SOX5: variants seen among roughly 807,000 people sequenced by gnomAD.
SOX5 encodes the protein SRY-box transcription factor 5.
A neutral mutation model predicts 92.0 loss-of-function variants in SOX5; 9 were observed. The ratio of observed to expected loss-of-function variants is 0.10; its 90% CI spans 0.06 to 0.17. The LOEUF (loss-of-function observed/expected upper bound fraction) is 0.17, where lower values mean the gene tolerates loss of function less well. Among genes scored for constraint, SOX5 ranks in the 10% least tolerant of loss-of-function variants. The probability of loss-of-function intolerance (pLI) is 1.00; values close to 1 mark genes in which losing one functional copy is unlikely to be tolerated. For missense variants in SOX5, 642 were observed against 944.5 expected, an observed-to-expected ratio of 0.68 and a Z score of 4.20; for synonymous variants, 344 against 336.3, an observed-to-expected ratio of 1.02 and a Z score of -0.25.
chr12:23,873,184 G>A (rs921336175), intron 2 of SOX5, among the ~76,000 whole-genome samples: 3 of 151,990 alleles, frequency 2.0e-5, no homozygotes, highest in African/African-American at 7.3e-5. Context: ...CTGATCACTC[G>A]ATTTAAGGGC....
At chr12:23,594,821 A>G (rs1158462545) in intron 9 of SOX5, among the ~76,000 whole-genome samples, 2 of 151,948 alleles carry the variant, frequency 1.3e-5, no homozygotes, top group Non-Finnish European at 2.9e-5. Flanking sequence ...GAATTCACTA[A>G]TCTCATTCAC....
At chr12:24,088,777 A>T (rs988767650) in intron 4 of SOX5, among the ~76,000 whole-genome samples, 2 of 152,084 alleles carry the variant, frequency 1.3e-5, no homozygotes. Flanking sequence ...TTTGAGGAAC[A>T]TTATACAATC....
intron 1 of SOX5, among the ~76,000 whole-genome samples, chr12:24,422,282 T>C (rs528269869): frequency 5.4e-4 from 82 of 152,304 alleles, no homozygotes; most frequent in African/African-American, 1.9e-3. Context: ...CTAATATTGA[T>C]CAATATCTGC....
At chr12:24,354,606 C>T (rs1954561329) in intron 2 of SOX5, among the ~76,000 whole-genome samples, 1 of 152,156 alleles carries the variant, frequency 6.6e-6, no homozygotes, top group Admixed American at 6.5e-5. Flanking sequence ...TGGACTGGCC[C>T]AGGATGAATG....
At chr12:23,709,690 T>C (rs1192373904) in intron 6 of SOX5, among the ~76,000 whole-genome samples, 2 of 152,194 alleles carry the variant, frequency 1.3e-5, no homozygotes, top group African/African-American at 4.8e-5. Flanking sequence ...TAATGACAGT[T>C]CTCCTACTGG....
At chr12:23,537,522 G>GT (rs1243934993) in intron 13 of SOX5, among the ~76,000 whole-genome samples, 2 of 152,062 alleles carry the variant, frequency 1.3e-5, no homozygotes, top group African/African-American at 4.8e-5. Flanking sequence ...CTGTAAATGC[G>GT]TATTACGATT....
chr12:23,984,929 A>C (rs1276940687), intron 4 of SOX5, among the ~76,000 whole-genome samples: 1 of 152,184 alleles, frequency 6.6e-6, no homozygotes, highest in African/African-American at 2.4e-5. Flanking sequence ...CAGAGGTTAC[A>C]ATTTTTTGTG....
intron 1 of SOX5, among the ~76,000 whole-genome samples, chr12:23,912,130 A>T (rs560895275): frequency 6.6e-6 from 1 of 152,232 alleles, no homozygotes; most frequent in African/African-American, 2.4e-5. Flanking sequence ...ACTTATATAC[A>T]TGGAATTATT....
Position 24,543,817 on chromosome 12 carries a change from G to C in SOX5, c.-251+18512C>G, listed in dbSNP as rs551373549. Among the ~76,000 whole-genome samples, 7 of 152,164 alleles carry C rather than the reference G, an allele frequency of 4.6e-5. No individual in the cohort carries two copies. The South Asian group carries it at 1.5e-3, about 32-fold the overall frequency. ...GAGAGACAGTCTACACTCAATAATG[G>C]AAAGATCATTTGTACGTATATTTTT... On this transcript the variant is annotated intron_variant, in intron 1 of 4. Coordinates refer to the SOX5 transcript ENST00000446891.
intron 3 of SOX5, among the ~76,000 whole-genome samples, chr12:23,779,342 C>A (rs2141711298): frequency 6.7e-6 from 1 of 150,184 alleles, no homozygotes; most frequent in South Asian, 2.1e-4. Context: ...GATTTTACTT[C>A]CACTGAATAG....
At chr12:23,706,177 AAG>A (rs1285180200) in intron 6 of SOX5, among the ~76,000 whole-genome samples, 2 of 152,080 alleles carry the variant, frequency 1.3e-5, no homozygotes, top group South Asian at 2.1e-4. Flanking sequence ...ACAAATGGCA[AAG>A]AGGGGGGAGA....
At chr12:23,853,472 A>G (rs16926789) in intron 2 of SOX5, among the ~76,000 whole-genome samples, 17,385 of 151,748 alleles carry the variant, frequency 0.11, 1,057 homozygotes, top group South Asian at 0.16. Flanking sequence ...GAGATGCTAT[A>G]AATAGGAGAA....
At chr12:24,255,130 T>A (rs1940922815) in intron 3 of SOX5, among the ~76,000 whole-genome samples, 1 of 152,146 alleles carries the variant, frequency 6.6e-6, no homozygotes, top group Admixed American at 6.5e-5. Flanking sequence ...TTCACTAGCA[T>A]CTTCCCCAGT....
At chr12:23,634,361 T>G (rs547142706) in intron 8 of SOX5, among the ~76,000 whole-genome samples, 16 of 152,284 alleles carry the variant, frequency 1.1e-4, no homozygotes, top group Non-Finnish European at 2.2e-4. Context: ...AAGTGTGCTA[T>G]CTCTTAGGAT....
At chr12:23,571,160 A>C (rs1162294365) in intron 10 of SOX5, among the ~76,000 whole-genome samples, 1 of 149,328 alleles carries the variant, frequency 6.7e-6, no homozygotes, top group East Asian at 2.0e-4. Context: ...CTCAAATAAT[A>C]ATAATAATAA....
intron 2 of SOX5, among the ~76,000 whole-genome samples, chr12:24,341,922 G>T (rs1595756501): frequency 6.6e-6 from 1 of 152,146 alleles, no homozygotes; most frequent in South Asian, 2.1e-4. Context: ...AGCACTAAGG[G>T]TGGTGGTAGC....
rs902903103 is a variant in SOX5 at position 24,468,270 on chromosome 12, T to C, written c.-251+94059A>G. Among the ~76,000 whole-genome samples, 6 of 152,202 alleles carry C rather than the reference T, an allele frequency of 3.9e-5. No homozygotes were observed. In the East Asian group the frequency reaches 9.6e-4, roughly 24 times the overall value. On this transcript the variant is annotated intron_variant, in intron 1 of 4. Transcript: ENST00000446891. ...GCCTCGTTCTGCCACTTTCTTGATA[T>C]GTTAATTTGGATAAGTTATTTAATC...
intron 4 of SOX5, among the ~76,000 whole-genome samples, chr12:24,123,830 C>A (rs1247264794): frequency 6.6e-6 from 1 of 152,188 alleles, no homozygotes; most frequent in Non-Finnish European, 1.5e-5. Context: ...ATATGAAGTT[C>A]TTCCTCAAAC....
chr12:24,094,306 TG>T (rs1569540376), intron 4 of SOX5, among the ~76,000 whole-genome samples: 1 of 151,986 alleles, frequency 6.6e-6, no homozygotes, highest in African/African-American at 2.4e-5. Context: ...ATCACTTTAT[TG>T]AACATTTATG....
Sources: allele counts gnomAD v4.1 joint callset (sites outside exome capture counted in the v4.1 genomes callset), GRCh38; gene constraint gnomAD v4.1.1; transcripts MANE v1.5; gene names NCBI Gene and HGNC (gene_info 2026-07-23, HGNC 2026-07-21).